MYOF: variants seen among roughly 807,000 people sequenced by gnomAD.
MYOF encodes fer-1-like 3, myoferlin.
A neutral mutation model predicts 284.2 loss-of-function variants in MYOF; 244 were observed. That is an observed-to-expected ratio of 0.86 (90% CI 0.77 to 0.95). The LOEUF (loss-of-function observed/expected upper bound fraction) is 0.95, where lower values mean the gene tolerates loss of function less well. MYOF is among the 40% of genes least tolerant of loss of function. MYOF has a pLI of 0.00. For missense variants in MYOF, 2,496 were observed against 2,560.6 expected (o/e 0.97, Z 0.54); for synonymous variants, 904 against 919.7 (o/e 0.98, Z 0.31).
chr10:93,324,401 C>T (rs1245622110), intron 46 of MYOF: 1 of 152,162 alleles, frequency 6.6e-6, no homozygotes. Flanking sequence ...CTCTAGGGCT[C>T]AGGGCTCTAC....
chr10:93,354,485 C>T (rs1844690709), intron 31 of MYOF, among the ~76,000 whole-genome samples: 1 of 152,166 alleles, frequency 6.6e-6, no homozygotes. Flanking sequence ...TAGGGTACTG[C>T]TTATCATCAC....
chr10:93,408,987 C>G (rs1167262597), intron 6 of MYOF, 72 bp from the exon 7 acceptor site: 8 of 1,589,038 alleles, frequency 5.0e-6, no homozygotes, highest in Non-Finnish European at 6.0e-6. Flanking sequence ...TCAGGTGTTG[C>G]TTCATTTCCT....
At chr10:93,387,948 C>T (rs1468213799) in intron 18 of MYOF, 35 bp from the exon 19 acceptor site, 2 of 1,519,590 alleles carry the variant, frequency 1.3e-6, no homozygotes, top group Non-Finnish European at 9.1e-7. Context: ...TTCCTCTAGG[C>T]AGCAACAGCA....
intron 5 of MYOF, among the ~76,000 whole-genome samples, chr10:93,413,390 C>T (rs1847984564): frequency 6.6e-6 from 1 of 152,192 alleles, no homozygotes; most frequent in Non-Finnish European, 1.5e-5. Flanking sequence ...ATGGTACGGG[C>T]TCCACAAAGA....
intron 3 of MYOF, among the ~76,000 whole-genome samples, chr10:93,449,848 G>C (rs1370793823): frequency 6.6e-6 from 1 of 152,138 alleles, no homozygotes; most frequent in African/African-American, 2.4e-5. Flanking sequence ...CAGCAACAGA[G>C]AATGGTAAAA....
intron 13 of MYOF, among the ~76,000 whole-genome samples, chr10:93,398,413 G>T (rs1200098950): frequency 6.6e-6 from 1 of 152,074 alleles, no homozygotes; most frequent in Non-Finnish European, 1.5e-5. Flanking sequence ...AAATTATTCA[G>T]TTTCTTGTTT....
At chr10:93,449,587 G>A (rs940186803) in intron 3 of MYOF, among the ~76,000 whole-genome samples, 1 of 152,170 alleles carries the variant, frequency 6.6e-6, no homozygotes, top group African/African-American at 2.4e-5. Context: ...ATATGCGACA[G>A]AAACTTAAAA....
intron 17 of MYOF, 148 bp downstream of exon 17, chr10:93,392,769 T>G: frequency 1.5e-6 from 1 of 676,468 alleles, no homozygotes; most frequent in Non-Finnish European, 2.6e-6. Flanking sequence ...GACAACCGTA[T>G]GGCACTTACA....
At chr10:93,332,309 A>G (rs537749240) in intron 43 of MYOF, among the ~76,000 whole-genome samples, 1 of 149,872 alleles carries the variant, frequency 6.7e-6, no homozygotes, top group Admixed American at 6.6e-5. Flanking sequence ...TGCAACCTCC[A>G]CCTCCCAGGT....
chr10:93,369,258 G>A (rs900316184), intron 25 of MYOF, among the ~76,000 whole-genome samples: 1 of 113,270 alleles, frequency 8.8e-6, no homozygotes, highest in Non-Finnish European at 1.8e-5. Context: ...CTCCTGGGTT[G>A]GTGTGTGTGT....
chr10:93,411,627 C>T (rs577033548), intron 5 of MYOF, among the ~76,000 whole-genome samples: 20 of 152,272 alleles, frequency 1.3e-4, no homozygotes, highest in Non-Finnish European at 2.6e-4. Context: ...GGCAGCACAG[C>T]AGGCAGGGGT....
chr10:93,434,843 C>T (rs968759976), intron 3 of MYOF, among the ~76,000 whole-genome samples: 4 of 151,824 alleles, frequency 2.6e-5, no homozygotes, highest in East Asian at 3.9e-4. Flanking sequence ...TTTTTATTCC[C>T]GTGACATACT....
intron 3 of MYOF, among the ~76,000 whole-genome samples, chr10:93,444,937 A>T (rs1481421676): frequency 6.6e-6 from 1 of 152,252 alleles, no homozygotes; most frequent in Non-Finnish European, 1.5e-5. Flanking sequence ...CACTGTGAAG[A>T]GCAAATGAGA....
At chr10:93,323,908 T>C (rs1842939230) in intron 46 of MYOF, among the ~76,000 whole-genome samples, 1 of 152,252 alleles carries the variant, frequency 6.6e-6, no homozygotes, top group Non-Finnish European at 1.5e-5. Context: ...AAAATGGTAT[T>C]TAATTTTGTA....
chr10:93,353,887 T>C lies in MYOF; in HGVS notation c.3405A>G (p.Arg1135=), dbSNP rs149298698. The change falls in exon 32 of 54, where the codon AGA becomes AGG. Residue 1135 remains arginine, a splice_region_variant and synonymous_variant. Transcript: ENST00000359263. ...NTPIVSCNFD[R]VYIYHLRCYV... Reference sequence around the variant, plus strand: ...AGCAGCGCAGATGGTAGATGTAGACTCCTAAAAAAACAGGATAAAGATTAC... The same window carrying C: ...AGCAGCGCAGATGGTAGATGTAGACCCCTAAAAAAACAGGATAAAGATTAC... 1 of 1,601,646 alleles carries C rather than the reference T, an allele frequency of 6.2e-7. No individual in the cohort carries two copies. Among genetic ancestry groups the C allele is most frequent in the Non-Finnish European group, 8.5e-7 (1 of 1,172,078 alleles).
intron 36 of MYOF, 57 bp downstream of exon 36, chr10:93,349,751 G>C (rs1048070293): frequency 6.3e-7 from 1 of 1,578,220 alleles, no homozygotes; most frequent in Non-Finnish European, 8.7e-7. Context: ...GTGTGTGTGA[G>C]GCACATACTT....
In MYOF at chr10:93,347,604, C is replaced by T. The variant is rs1468500591; in HGVS notation, c.4249+13G>A. ...GAAAAGCCCCCAGACTTATGCACAGCCTTGCATGTTACCTTTGAGCTGTGG... is the reference window on the plus strand; with the variant it reads ...GAAAAGCCCCCAGACTTATGCACAGTCTTGCATGTTACCTTTGAGCTGTGG... On this transcript the variant is annotated intron_variant, in intron 37 of 53. Coordinates refer to ENST00000359263, the MANE Select transcript of MYOF (RefSeq NM_013451.4). 1 of 1,602,390 alleles carries T rather than the reference C, an allele frequency of 6.2e-7. No individual in the cohort carries two copies. Among genetic ancestry groups the T allele is most frequent in the South Asian group, 1.1e-5 (1 of 90,156 alleles).
At chr10:93,428,008 T>C (rs1166282081) in intron 4 of MYOF, among the ~76,000 whole-genome samples, 2 of 151,946 alleles carry the variant, frequency 1.3e-5, no homozygotes, top group Non-Finnish European at 2.9e-5. Flanking sequence ...AAGAGAGGCA[T>C]TTTAACACCA....
chr10:93,476,203 T>A (rs2057257671), intron 1 of MYOF, among the ~76,000 whole-genome samples: 1 of 150,364 alleles, frequency 6.7e-6, no homozygotes, highest in South Asian at 2.1e-4. Flanking sequence ...CAAACCACAG[T>A]GAATACTATC....
Sources: gnomAD v4.1 joint callset for allele counts (sites outside exome capture counted in the v4.1 genomes callset) on GRCh38, gnomAD v4.1.1 for gene constraint, MANE v1.5 for transcripts, NCBI Gene and HGNC (gene_info 2026-07-23, HGNC 2026-07-21) for gene names.